Variants in USP32 observed in about 807,000 individuals in gnomAD.
USP32 encodes the protein ubiquitin specific peptidase 32.
A neutral mutation model predicts 204.8 loss-of-function variants in USP32; 59 were observed. The ratio of observed to expected loss-of-function variants is 0.29; its 90% CI spans 0.23 to 0.36. The LOEUF is 0.36. Among genes scored for constraint, USP32 ranks in the 10% least tolerant of loss-of-function variants. The pLI is 1.00. For missense variants in USP32, 1,160 were observed against 1,946.4 expected (o/e 0.60, Z 7.60); for synonymous variants, 517 against 678.4 (o/e 0.76, Z 3.70).
chr17:60,232,024 A>ACATACTACCCT (rs1036252499), intron 12 of USP32, among the ~76,000 whole-genome samples: 3 of 152,146 alleles, frequency 2.0e-5, no homozygotes, highest in African/African-American at 7.2e-5. Context: ...AGTATTTGAA[A>ACATACTACCCT]CATACTACCC....
intron 12 of USP32, among the ~76,000 whole-genome samples, chr17:60,228,495 C>CTTTTTT (rs796712684): frequency 4.4e-4 from 60 of 135,614 alleles, no homozygotes; most frequent in African/African-American, 1.6e-3. Context: ...TTTCTTTTTT[C>CTTTTTT]TTTTTCTTTT....
intron 1 of USP32, among the ~76,000 whole-genome samples, chr17:60,354,897 T>G (rs1445919723): frequency 6.6e-6 from 1 of 152,010 alleles, no homozygotes; most frequent in African/African-American, 2.4e-5. Context: ...ATACAAAAGT[T>G]AGCTGGGCAT....
At chr17:60,372,846 A>T (rs1260676024) in intron 1 of USP32, among the ~76,000 whole-genome samples, 11 of 113,570 alleles carry the variant, frequency 9.7e-5, no homozygotes, top group Admixed American at 5.3e-4. Context: ...GACCCTGTCT[A>T]AAAAAAAAAA....
At chr17:60,215,231 C>G (rs1371840879) in intron 16 of USP32, among the ~76,000 whole-genome samples, 1 of 152,172 alleles carries the variant, frequency 6.6e-6, no homozygotes, top group Non-Finnish European at 1.5e-5. Context: ...CTCGGCTTCC[C>G]AAAGTGCTGG....
chr17:60,308,968 T>C (rs1036016682), intron 2 of USP32, among the ~76,000 whole-genome samples: 1 of 152,048 alleles, frequency 6.6e-6, no homozygotes, highest in Non-Finnish European at 1.5e-5. Flanking sequence ...TCTTTCAGCA[T>C]ACACAAAAAA....
At position 60,201,338 on chromosome 17, in the gene USP32, C is replaced by T. The variant is rs532945660; in HGVS notation, c.3250-2894G>A. Among the ~76,000 whole-genome samples, 37 of 152,262 alleles carry T rather than the reference C, an allele frequency of 2.4e-4. 2 individuals carry two copies. The South Asian group carries it at 7.5e-3, about 31-fold the overall frequency. ...ATGCAATGTTTTCATTTTGGGGCTA[C>T]TATAGATAATGGTGCTACGAATATT... On this transcript the variant is annotated intron_variant, in intron 26 of 33. Transcript: ENST00000300896.
upstream of USP32, chr17:60,392,480 A>AC (rs552195258): frequency 1.3e-3 from 270 of 210,760 alleles, 2 homozygotes; most frequent in Middle Eastern, 4.1e-3. Flanking sequence ...CTTGAGGACG[A>AC]CCCCCCCCGC....
chr17:60,397,535 A>T lies in USP32; in HGVS notation c.106+24711T>A, dbSNP rs1333668732. Among the ~76,000 whole-genome samples, 3 of 151,966 alleles carry T rather than the reference A, an allele frequency of 2.0e-5. No homozygotes were observed. The East Asian group carries it at 5.8e-4, about 29-fold the overall frequency. ...CACCACCACACCTGGCTAATTTTTTAATTTTTTATAGAGATGGGGTGTTGT... is the reference window on the plus strand; with the variant it reads ...CACCACCACACCTGGCTAATTTTTTTATTTTTTATAGAGATGGGGTGTTGT... On this transcript the variant is annotated intron_variant, in intron 1 of 3. Coordinates refer to the USP32 transcript ENST00000588898.
intron 5 of USP32, among the ~76,000 whole-genome samples, chr17:60,271,961 G>A (rs918189879): frequency 2.0e-5 from 3 of 151,910 alleles, no homozygotes; most frequent in Non-Finnish European, 4.4e-5. Flanking sequence ...ACATGTGTAC[G>A]CCACCACATC....
At chr17:60,257,695 GCTGGTCTTGAACTC>G (rs904353589) in intron 9 of USP32, among the ~76,000 whole-genome samples, 9 of 152,138 alleles carry the variant, frequency 5.9e-5, no homozygotes, top group African/African-American at 2.2e-4. Flanking sequence ...TGTTGCCCAG[GCTGGTCTTGAACTC>G]CTGGCCTTAG....
At chr17:60,188,712 T>C (rs2084306629) in intron 29 of USP32, among the ~76,000 whole-genome samples, 1 of 152,232 alleles carries the variant, frequency 6.6e-6, no homozygotes, top group East Asian at 1.9e-4. Flanking sequence ...TTACAGAGTA[T>C]TCTCCCCTCA....
intron 10 of USP32, among the ~76,000 whole-genome samples, chr17:60,253,945 C>A (rs901216439): frequency 6.6e-6 from 1 of 152,008 alleles, no homozygotes; most frequent in African/African-American, 2.4e-5. Context: ...ATTTACAGGC[C>A]TATCAGATTA....
At chr17:60,268,996 A>T (rs2086665818) in intron 7 of USP32, among the ~76,000 whole-genome samples, 1 of 152,236 alleles carries the variant, frequency 6.6e-6, no homozygotes, top group African/African-American at 2.4e-5. Flanking sequence ...CATTTTAGTT[A>T]GGTTAAAAAA....
intron 2 of USP32, among the ~76,000 whole-genome samples, chr17:60,340,571 G>A (rs374770652): frequency 6.6e-6 from 1 of 152,100 alleles, no homozygotes; most frequent in Admixed American, 6.6e-5. Context: ...GACTTTGCAC[G>A]TGAGATGGGT....
At chr17:60,210,754 A>G (rs1222063437) in intron 21 of USP32, among the ~76,000 whole-genome samples, 29 of 152,330 alleles carry the variant, frequency 1.9e-4, no homozygotes, top group African/African-American at 4.8e-4. Flanking sequence ...CTCTTCATAT[A>G]AGATGTTTGA....
At chr17:60,236,848 T>C (rs2085740102) in intron 11 of USP32, among the ~76,000 whole-genome samples, 1 of 152,218 alleles carries the variant, frequency 6.6e-6, no homozygotes. Flanking sequence ...ATAAAACACA[T>C]GGCCTTTTAA....
chr17:60,296,161 T>C (rs1316882233), intron 3 of USP32, among the ~76,000 whole-genome samples: 1 of 152,180 alleles, frequency 6.6e-6, no homozygotes, highest in Non-Finnish European at 1.5e-5. Context: ...TGTTAAGAAA[T>C]AGTTAAGCTA....
At chr17:60,377,336 T>C (rs1045913851) in intron 1 of USP32, among the ~76,000 whole-genome samples, 16 of 152,224 alleles carry the variant, frequency 1.1e-4, no homozygotes, top group African/African-American at 3.6e-4. Flanking sequence ...TTTAAAAATA[T>C]AGCATTTCAT....
intron 1 of USP32, among the ~76,000 whole-genome samples, chr17:60,383,712 A>T (rs1290652936): frequency 1.3e-5 from 2 of 152,256 alleles, no homozygotes; most frequent in Non-Finnish European, 2.9e-5. Flanking sequence ...TAGCAAATGC[A>T]AAGGCTGCAA....
Sources: allele counts gnomAD v4.1 joint callset (sites outside exome capture counted in the v4.1 genomes callset), GRCh38; gene constraint gnomAD v4.1.1; transcripts MANE v1.5; gene names NCBI Gene and HGNC (gene_info 2026-07-23, HGNC 2026-07-21).